The following A1CF variants were observed in gnomAD, a reference collection of about 807,000 sequenced individuals.
A1CF encodes the protein APOBEC-1 stimulating protein.
In A1CF, 48 loss-of-function variants were observed where a neutral mutation model predicts 68.9. The observed-to-expected ratio is 0.70, with a 90% CI of 0.55 to 0.89. The LOEUF is 0.89. Among genes scored for constraint, A1CF ranks in the 40% least tolerant of loss-of-function variants. A1CF has a pLI of 0.00. For synonymous variants in A1CF, 272 were observed against 260.4 expected, an observed-to-expected ratio of 1.04 and a Z score of -0.43; for missense variants, 653 against 718.9, an observed-to-expected ratio of 0.91 and a Z score of 1.05.
intron 1 of A1CF, among the ~76,000 whole-genome samples, chr10:50,884,602 G>T (rs1841923314): frequency 6.6e-6 from 1 of 152,184 alleles, no homozygotes; most frequent in South Asian, 2.1e-4. Context: ...AGCTGAATTT[G>T]CCAAAATACG....
intron 2 of A1CF, among the ~76,000 whole-genome samples, chr10:50,863,618 T>C (rs1457218765): frequency 6.6e-6 from 1 of 152,060 alleles, no homozygotes; most frequent in Non-Finnish European, 1.5e-5. Flanking sequence ...CAAAATATCA[T>C]GGAGTTTTAC....
At chr10:50,828,400 G>T (rs1281996617) in intron 6 of A1CF, 105 bp from the exon 7 acceptor site, 4 of 838,790 alleles carry the variant, frequency 4.8e-6, no homozygotes, top group Non-Finnish European at 7.0e-6. Flanking sequence ...TTGAGGTCTT[G>T]AATGAGCAAG....
At chr10:50,866,316 A>G (rs2132555848) in intron 1 of A1CF, among the ~76,000 whole-genome samples, 1 of 152,306 alleles carries the variant, frequency 6.6e-6, no homozygotes, top group Non-Finnish European at 1.5e-5. Flanking sequence ...TATATTTGCA[A>G]CATCAGTGCC....
chr10:50,822,543 G>A (rs764014850), intron 7 of A1CF: 5 of 152,072 alleles, frequency 3.3e-5, no homozygotes, highest in East Asian at 1.9e-4. Context: ...AATGATAGTC[G>A]GCCTGTAACA....
chr10:50,819,274 G>A (rs1050355137), intron 8 of A1CF, among the ~76,000 whole-genome samples: 2 of 152,026 alleles, frequency 1.3e-5, no homozygotes, highest in African/African-American at 2.4e-5. Context: ...TACTGTAGTA[G>A]TCCATGCTAC....
chr10:50,879,008 A>G (rs925060636), intron 1 of A1CF, among the ~76,000 whole-genome samples: 2 of 152,128 alleles, frequency 1.3e-5, no homozygotes, highest in Non-Finnish European at 2.9e-5. Flanking sequence ...CTTCCCTATC[A>G]TCAAAACTTG....
intron 6 of A1CF, among the ~76,000 whole-genome samples, chr10:50,831,527 G>A (rs1323038098): frequency 1.3e-5 from 2 of 152,104 alleles, no homozygotes; most frequent in Non-Finnish European, 2.9e-5. Flanking sequence ...TCAGTAGTTC[G>A]AGACCAGCCT....
At chr10:50,840,035 T>C (rs4486571) in intron 5 of A1CF, among the ~76,000 whole-genome samples, 149,329 of 152,314 alleles carry the variant, frequency 0.98, 73,283 homozygotes, top group East Asian at 1. Context: ...AGTCACTGTG[T>C]CCGGCCCAGG....
chr10:50,806,748 T>C lies in A1CF; in HGVS notation c.1742A>G (p.Asp581Gly). Reference protein sequence around the residue: ...YPTFAVTARGDGYGTF With the variant: ...YPTFAVTARGGGYGTF ...GCATCTTCAGAAGGTGCCATATCCATCCCCTCGGGCAGTCACTGCAAAAGT... is the reference window on the plus strand; with the variant it reads ...GCATCTTCAGAAGGTGCCATATCCACCCCCTCGGGCAGTCACTGCAAAAGT... The change falls in exon 13 of 13, where the codon GAT becomes GGT. Residue 581 changes from aspartate to glycine, a missense_variant. Physicochemically the swap from Asp to Gly is moderately conservative, Grantham distance 94. Transcript: ENST00000373997. The C allele has an allele frequency of 6.2e-7, 1 of 1,605,782 alleles. No individual in the cohort carries two copies. Among genetic ancestry groups the C allele is most frequent in the Non-Finnish European group, 8.5e-7 (1 of 1,176,864 alleles).
intron 1 of A1CF, among the ~76,000 whole-genome samples, chr10:50,883,786 G>C (rs529683494): frequency 6.6e-6 from 1 of 152,174 alleles, no homozygotes; most frequent in Non-Finnish European, 1.5e-5. Context: ...GTGCTCGAGC[G>C]TATGATATAA....
chr10:50,876,797 C>G (rs528624373), intron 1 of A1CF, among the ~76,000 whole-genome samples: 1 of 152,268 alleles, frequency 6.6e-6, no homozygotes, highest in African/African-American at 2.4e-5. Flanking sequence ...TAGAATAAAT[C>G]TCTTTATTTG....
chr10:50,878,388 C>T (rs1446353526), intron 1 of A1CF, among the ~76,000 whole-genome samples: 1 of 152,182 alleles, frequency 6.6e-6, no homozygotes, highest in African/African-American at 2.4e-5. Context: ...TTATTCTAAG[C>T]ACTTTACAAT....
At chr10:50,842,061 T>A in intron 4 of A1CF, 69 bp from the exon 5 acceptor site, 1 of 1,380,818 alleles carries the variant, frequency 7.2e-7, no homozygotes, top group Non-Finnish European at 1.0e-6. Flanking sequence ...GTGCATGTGC[T>A]GATACACACA....
At chr10:50,884,276 C>G (rs543469686) in intron 1 of A1CF, among the ~76,000 whole-genome samples, 1 of 152,156 alleles carries the variant, frequency 6.6e-6, no homozygotes, top group Non-Finnish European at 1.5e-5. Context: ...ATAATGTTTG[C>G]CCACAACAAT....
At chr10:50,871,707 G>T (rs1292948432) in intron 1 of A1CF, among the ~76,000 whole-genome samples, 1 of 151,914 alleles carries the variant, frequency 6.6e-6, no homozygotes, top group Non-Finnish European at 1.5e-5. Flanking sequence ...AAATTCATAG[G>T]GGGATCATAA....
chr10:50,833,344 A>G (rs1006286924), intron 6 of A1CF, among the ~76,000 whole-genome samples: 2 of 152,206 alleles, frequency 1.3e-5, no homozygotes, highest in Non-Finnish European at 1.5e-5. Flanking sequence ...TGCTATAACA[A>G]GCCCTCCAGG....
At chr10:50,865,025 C>T (rs1442242881) in intron 1 of A1CF, among the ~76,000 whole-genome samples, 1 of 152,096 alleles carries the variant, frequency 6.6e-6, no homozygotes, top group Non-Finnish European at 1.5e-5. Context: ...GGTGCAGTGG[C>T]TCATCCCTGT....
chr10:50,861,202 A>G (rs929202159), intron 2 of A1CF, among the ~76,000 whole-genome samples: 2 of 151,986 alleles, frequency 1.3e-5, no homozygotes, highest in Admixed American at 1.3e-4. Context: ...TGCAGCTTTA[A>G]GGTATTCTAT....
chr10:50,840,990 C>A (rs1839748062), intron 5 of A1CF, among the ~76,000 whole-genome samples: 1 of 152,176 alleles, frequency 6.6e-6, no homozygotes, highest in Admixed American at 6.5e-5. Flanking sequence ...TCTTGTCCAC[C>A]ATGGACCCCC....
Sources: allele counts gnomAD v4.1 joint callset (sites outside exome capture counted in the v4.1 genomes callset), GRCh38; gene constraint gnomAD v4.1.1; transcripts MANE v1.5; gene names NCBI Gene and HGNC (gene_info 2026-07-23, HGNC 2026-07-21).